MTRF1: variants seen among roughly 807,000 people sequenced by gnomAD.
The protein encoded by MTRF1 is peptide chain release factor 1, mitochondrial.
A neutral mutation model predicts 62.9 loss-of-function variants in MTRF1; 51 were observed. The ratio of observed to expected loss-of-function variants is 0.81; its 90% CI spans 0.65 to 1.02. The LOEUF (loss-of-function observed/expected upper bound fraction) is 1.02, where lower values mean the gene tolerates loss of function less well. Among genes scored for constraint, MTRF1 ranks in the 50% least tolerant of loss-of-function variants. The pLI, the probability that MTRF1 is intolerant of heterozygous loss-of-function variation, is 0.00. For synonymous variants in MTRF1, 158 were observed against 181.9 expected, an observed-to-expected ratio of 0.87 and a Z score of 1.06; for missense variants, 446 against 530.0, an observed-to-expected ratio of 0.84 and a Z score of 1.56.
At chr13:41,234,055 T>C (rs2036060973) in intron 6 of MTRF1, 48 bp from the exon 7 acceptor site, 3 of 1,369,732 alleles carry the variant, frequency 2.2e-6, no homozygotes, top group Admixed American at 1.7e-5. Context: ...AATACTTTAA[T>C]ATAAAATCGA....
chr13:41,273,832 C>T, the MTRF1 span, among the ~76,000 whole-genome samples: 27 of 152,142 alleles, frequency 1.8e-4, no homozygotes, highest in South Asian at 6.2e-4. Flanking sequence ...AGTGAAACTC[C>T]GTCTCAACAA....
At chr13:41,234,344 A>T (rs1468668471) in intron 6 of MTRF1, among the ~76,000 whole-genome samples, 1 of 152,098 alleles carries the variant, frequency 6.6e-6, no homozygotes, top group Non-Finnish European at 1.5e-5. Context: ...TGCCATGTTA[A>T]TTTTAAAAAT....
the MTRF1 span, among the ~76,000 whole-genome samples, chr13:41,308,404 G>A: frequency 6.6e-6 from 1 of 152,168 alleles, no homozygotes; most frequent in African/African-American, 2.4e-5. Flanking sequence ...GGCTCTTTTC[G>A]TGAGTAACCC....
At chr13:41,231,702 T>C (rs2035586597) in intron 7 of MTRF1, among the ~76,000 whole-genome samples, 1 of 151,996 alleles carries the variant, frequency 6.6e-6, no homozygotes, top group Non-Finnish European at 1.5e-5. Flanking sequence ...ATCTGGCTCT[T>C]AAATATGTAC....
At chr13:41,246,062 T>C (rs1460618363) in intron 5 of MTRF1, among the ~76,000 whole-genome samples, 1 of 152,116 alleles carries the variant, frequency 6.6e-6, no homozygotes. Flanking sequence ...TACTCATTAT[T>C]GGAGAGCGTA....
At chr13:41,276,402 C>A in the MTRF1 span, among the ~76,000 whole-genome samples, 1 of 152,026 alleles carries the variant, frequency 6.6e-6, no homozygotes, top group Non-Finnish European at 1.5e-5. Context: ...GAACTCCTGA[C>A]CTCAAGTGAT....
At chr13:41,287,162 TAAAGA>T in the MTRF1 span, among the ~76,000 whole-genome samples, 5 of 152,206 alleles carry the variant, frequency 3.3e-5, no homozygotes, top group Admixed American at 1.3e-4. Flanking sequence ...CAGTTATTTA[TAAAGA>T]AAAGAGGTTT....
chr13:41,311,297 T>C, the MTRF1 span: 13 of 546,104 alleles, frequency 2.4e-5, no homozygotes, highest in South Asian at 7.0e-5. Context: ...CCGCCGCCGC[T>C]GGCCAAAAAG....
the MTRF1 span, among the ~76,000 whole-genome samples, chr13:41,306,453 G>A: frequency 5.3e-5 from 8 of 152,146 alleles, no homozygotes; most frequent in African/African-American, 1.4e-4. Flanking sequence ...GGAGTCTGGG[G>A]TGGAACACGT....
chr13:41,260,351 TCTGTGGGAAAAAAAAAACAAAGAC>T, intron 2 of MTRF1, 118 bp downstream of exon 2: 1 of 854,932 alleles, frequency 1.2e-6, no homozygotes, highest in Non-Finnish European at 1.7e-6. Context: ...AGAACCTGCT[TCTGTGGGAAAAAAAAAACAAAGAC>T]TAAGTTCAAT....
chr13:41,249,543 A>T (rs1441236565), intron 5 of MTRF1, among the ~76,000 whole-genome samples: 1 of 151,950 alleles, frequency 6.6e-6, no homozygotes, highest in African/African-American at 2.4e-5. Flanking sequence ...TCTGCCTCAA[A>T]AAAGAAAGAA....
At chr13:41,311,125 G>C in the MTRF1 span, 5 of 279,330 alleles carry the variant, frequency 1.8e-5, no homozygotes, top group African/African-American at 4.6e-5. Context: ...CCGAGATTGC[G>C]GCGAGGAGAG....
chr13:41,264,288 T>G (rs1482293813), upstream of MTRF1, among the ~76,000 whole-genome samples: 1 of 152,222 alleles, frequency 6.6e-6, no homozygotes, highest in Non-Finnish European at 1.5e-5. Flanking sequence ...TTTTATAATG[T>G]TCTTTGCACA....
chr13:41,302,878 A>G, the MTRF1 span, among the ~76,000 whole-genome samples: 1 of 152,158 alleles, frequency 6.6e-6, no homozygotes, highest in Non-Finnish European at 1.5e-5. Flanking sequence ...GAGCAGTCAA[A>G]GTTGATTATA....
chr13:41,247,774 T>G (rs1306701997), intron 5 of MTRF1, among the ~76,000 whole-genome samples: 1 of 152,170 alleles, frequency 6.6e-6, no homozygotes, highest in East Asian at 1.9e-4. Context: ...TACCAGCTGC[T>G]GAGTATGTCT....
At chr13:41,233,006 A>G (rs750177587) in intron 7 of MTRF1, among the ~76,000 whole-genome samples, 7 of 152,250 alleles carry the variant, frequency 4.6e-5, no homozygotes, top group Non-Finnish European at 1.0e-4. Context: ...CTATCTGTTC[A>G]TTATATGAAC....
chr13:41,268,236 C>A (rs1053971607), upstream of MTRF1, among the ~76,000 whole-genome samples: 2 of 152,196 alleles, frequency 1.3e-5, no homozygotes, highest in South Asian at 4.1e-4. Flanking sequence ...AACCACACAC[C>A]ATTTCATATT....
the MTRF1 span, among the ~76,000 whole-genome samples, chr13:41,278,123 T>A: frequency 6.6e-6 from 1 of 152,258 alleles, no homozygotes; most frequent in Admixed American, 6.5e-5. Context: ...TTCCATTCCA[T>A]CTTGTCAGGT....
At position 41,240,421 on chromosome 13, in the gene MTRF1, T is replaced by C; in HGVS notation, c.710A>G (p.His237Arg). ...YTPADYGGLH[H>R]AAARISGDGV... ...GTCACCGGAAATTCGGGCGGCTGCA[T>C]GATGTAGTCCACCTAGGGGAACAAC... The change falls in exon 6 of 10, where the codon CAT becomes CGT. Residue 237 changes from histidine (H) to arginine (R), a missense_variant. Transcript: ENST00000379480. 2 of 1,613,470 alleles carry C rather than the reference T, an allele frequency of 1.2e-6. No individual in the cohort carries two copies. Among genetic ancestry groups the C allele is most frequent in the Non-Finnish European group, 1.7e-6 (2 of 1,179,698 alleles).
Sources: gnomAD v4.1 joint callset for allele counts (sites outside exome capture counted in the v4.1 genomes callset) on GRCh38, gnomAD v4.1.1 for gene constraint, MANE v1.5 for transcripts, NCBI Gene and HGNC (gene_info 2026-07-23, HGNC 2026-07-21) for gene names.